Variants in EFCAB10 observed in about 807,000 individuals in gnomAD.
The protein encoded by EFCAB10 is EF-hand calcium-binding domain-containing protein 10.
In EFCAB10, 7 loss-of-function variants were observed where a neutral mutation model predicts 7.7. The ratio of observed to expected loss-of-function variants is 0.91; its 90% CI spans 0.52 to 1.72. The LOEUF is 1.72. Ranked by LOEUF, EFCAB10 falls within the 40% of genes most tolerant of loss-of-function variation. The pLI, the probability that EFCAB10 is intolerant of heterozygous loss-of-function variation, is 0.00. For synonymous variants in EFCAB10, 52 were observed against 21.0 expected (o/e 2.47, Z -4.03); for missense variants, 112 against 61.5 (o/e 1.82, Z -2.74).
At chr7:105,580,511 G>A (rs1033214186) in intron 1 of EFCAB10, among the ~76,000 whole-genome samples, 4 of 151,934 alleles carry the variant, frequency 2.6e-5, no homozygotes, top group African/African-American at 9.7e-5. Flanking sequence ...ATAGGATCTC[G>A]CTTTGTCGCC....
Position 105,565,209 on chromosome 7 carries a change from A to G in EFCAB10, c.*238T>C, listed in dbSNP as rs818624. Reference sequence around the variant, plus strand: ...TAGGACAGAACACTTCCTCAAATTTAAAATGATTTAAAAACTTGAAAAATA... The same window carrying G: ...TAGGACAGAACACTTCCTCAAATTTGAAATGATTTAAAAACTTGAAAAATA... On this transcript the variant is annotated 3_prime_UTR_variant, in exon 5 of 5. Coordinates refer to ENST00000480514, the MANE Select transcript of EFCAB10 (RefSeq NM_001355526.2). The G allele has an allele frequency of 5.8e-3, 8,228 of 1,426,358 alleles. 377 individuals carry two copies. In the African/African-American group the frequency reaches 0.1, roughly 18 times the overall value. 88.4% of individuals were successfully genotyped at this position (1,426,358 alleles called of 1,614,324 possible).
Position 105,565,638 on chromosome 7 carries a change from T to C in EFCAB10, c.*-191A>G, listed in dbSNP as rs144371182. 9.4e-5 allele frequency: 149 copies of C among 1,588,712 alleles called. No homozygotes were observed. In the African/African-American group the frequency reaches 1.9e-3, roughly 20 times the overall value. On this transcript the variant is annotated intron_variant, in intron 4 of 4. Transcript: ENST00000480514. ...TCACTATTGCAAGAGACCAGAAAATTATTTTAAACAGTAAGCTCAACATTT... is the reference window on the plus strand; with the variant it reads ...TCACTATTGCAAGAGACCAGAAAATCATTTTAAACAGTAAGCTCAACATTT...
chr7:105,567,143 G>T, intron 4 of EFCAB10: 2 of 1,579,212 alleles, frequency 1.3e-6, no homozygotes, highest in South Asian at 2.4e-5. Flanking sequence ...GTATTGTTTT[G>T]AATTTGAACG....
chr7:105,565,368 CTT>C lies in EFCAB10; in HGVS notation c.*77_*78del. The C allele has an allele frequency of 2.5e-6, 4 of 1,614,166 alleles. No homozygotes were observed. The highest frequency in any genetic ancestry group is 3.4e-6 in the Non-Finnish European group (4 of 1,180,016). On this transcript the variant is annotated 3_prime_UTR_variant, in exon 5 of 5. Transcript: ENST00000480514. ...GCTGCTGACGTTACGAGACCATTTA[CTT>C]CAGTTGGAGCAGCAGCTTTGTTTCT...
rs566461098 is a variant in EFCAB10, at chr7:105,575,995, C to A, written c.106+5363G>T. Among the ~76,000 whole-genome samples, 17 of 152,212 alleles carry A rather than the reference C, an allele frequency of 1.1e-4. No homozygotes were observed. In the South Asian group the frequency reaches 3.1e-3, roughly 28 times the overall value. On this transcript the variant is annotated intron_variant, in intron 1 of 4. Transcript: ENST00000480514. ...GAGGTTGCAGTGAGCTGAGATCGCG[C>A]CATTGCACTCCAGCCTGGGCAACAA...
At chr7:105,580,045 T>C (rs890591296) in intron 1 of EFCAB10, among the ~76,000 whole-genome samples, 41 of 152,200 alleles carry the variant, frequency 2.7e-4, no homozygotes, top group African/African-American at 9.6e-4. Flanking sequence ...CTGGCTTGAG[T>C]AGCAATCTCC....
intron 1 of EFCAB10, 61 bp from the exon 2 acceptor site, chr7:105,569,632 T>G (rs1267080703): frequency 3.0e-6 from 2 of 663,186 alleles, no homozygotes; most frequent in Non-Finnish European, 5.4e-6. Flanking sequence ...CAAATAGAAG[T>G]AGTCATTTAA....
intron 1 of EFCAB10, among the ~76,000 whole-genome samples, chr7:105,570,752 C>T (rs909962183): frequency 3.3e-5 from 5 of 152,020 alleles, no homozygotes; most frequent in Non-Finnish European, 7.4e-5. Flanking sequence ...CAGCTGGGCA[C>T]GGTGGCTCAC....
At chr7:105,574,114 C>A (rs1222479676) in intron 1 of EFCAB10, among the ~76,000 whole-genome samples, 1 of 99,888 alleles carries the variant, frequency 1.0e-5, no homozygotes, top group African/African-American at 3.9e-5. Flanking sequence ...TACACACACA[C>A]AATGTGTGTG....
At chr7:105,571,437 T>C (rs1266087794) in intron 1 of EFCAB10, 1 of 152,192 alleles carries the variant, frequency 6.6e-6, no homozygotes, top group African/African-American at 2.4e-5. Flanking sequence ...AGATGAAACG[T>C]AGTTCTACAG....
rs995583719 is a variant in EFCAB10 at position 105,569,549 on chromosome 7, T to A, written c.129A>T (p.Ile43=). ...CAATTCTCAGTCGTTCCAATAGAGA[T>A]ATTAAATATTCTTTTGGTTTTTCTG... ...FRPEKPKEYL[I]SLLERLRIAK... The change falls in exon 2 of 5, where the codon ATA becomes ATT. Residue 43 remains isoleucine, a synonymous_variant. Coordinates refer to ENST00000480514, the MANE Select transcript of EFCAB10 (RefSeq NM_001355526.2). The A allele has an allele frequency of 3.2e-5, 22 of 694,166 alleles. No homozygotes were observed. The highest frequency in any genetic ancestry group is 5.5e-5 in the Non-Finnish European group (21 of 383,010). The allele number at this position is 694,166 out of a possible 1,614,324, so 43.0% of individuals were successfully genotyped here.
intron 4 of EFCAB10, 135 bp downstream of exon 4, chr7:105,567,332 C>T (rs13533): frequency 6.5e-7 from 1 of 1,543,356 alleles, no homozygotes; most frequent in Non-Finnish European, 8.8e-7. Flanking sequence ...AAAAAGGTTT[C>T]TTTGGTTTTT....
chr7:105,571,538 G>A (rs941667923), intron 1 of EFCAB10: 3 of 152,214 alleles, frequency 2.0e-5, no homozygotes, highest in Non-Finnish European at 4.4e-5. Flanking sequence ...CAAGAGCAAA[G>A]GTCATGGCAA....
intron 4 of EFCAB10, among the ~76,000 whole-genome samples, chr7:105,565,910 G>C (rs1478586165): frequency 6.6e-6 from 1 of 151,360 alleles, no homozygotes. Flanking sequence ...GCTTCTAGTT[G>C]CTTAGTTACT....
chr7:105,569,407 C>T lies in EFCAB10; in HGVS notation c.271G>A (p.Ala91Thr). Reference sequence around the variant, plus strand: ...ACCTCAATTTGTAGAATGTACTGACCTTCTTTATACTGCACAAATGATATG... The same window carrying T: ...ACCTCAATTTGTAGAATGTACTGACTTTCTTTATACTGCACAAATGATATG... ...GTISFVQYKE[A>T]LKTLGLCTED... Residue 91 changes from alanine (A) to threonine (T), a missense_variant and splice_region_variant, in exon 2 of 5, where the codon GCC (alanine) becomes ACC (threonine). Ala to Thr is a moderately conservative substitution (Grantham distance 58). Coordinates refer to ENST00000480514, the MANE Select transcript of EFCAB10 (RefSeq NM_001355526.2). 1.4e-6 allele frequency: 1 copy of T among 698,844 alleles called. No individual in the cohort carries two copies. The highest frequency in any genetic ancestry group is 2.7e-5 in the East Asian group (1 of 37,256). 43.3% of individuals were successfully genotyped at this position (698,844 alleles called of 1,614,324 possible). A position where few individuals can be genotyped will look rare whatever the true frequency, so the allele number is the denominator to read the frequency against.
chr7:105,574,492 CTTTT>C lies in EFCAB10; in HGVS notation c.107-4925_107-4922del, dbSNP rs113880887. ...AGAGAGACCTTGTGCAGGGAAGCTCCTTTTTTTTTTGAGACGGAATCTCGCTCTG... is the reference window on the plus strand; with the variant it reads ...AGAGAGACCTTGTGCAGGGAAGCTCCTTTTTTGAGACGGAATCTCGCTCTG... On this transcript the variant is annotated intron_variant, in intron 1 of 4. Transcript: ENST00000480514. Among the ~76,000 whole-genome samples, 925 of 147,418 alleles carry C rather than the reference CTTTT, an allele frequency of 6.3e-3. 7 individuals carry two copies. Among genetic ancestry groups the C allele is most frequent in the African/African-American group, 0.022 (890 of 40,262 alleles).
intron 1 of EFCAB10, among the ~76,000 whole-genome samples, chr7:105,570,243 ATATATATAT>A: frequency 1.1e-4 from 6 of 54,422 alleles, no homozygotes; most frequent in African/African-American, 3.3e-4. Context: ...AAAAAAAAAT[ATATATATAT>A]ATATATATAT....
chr7:105,567,886 TG>T (rs1211507664), intron 3 of EFCAB10, among the ~76,000 whole-genome samples: 1 of 152,078 alleles, frequency 6.6e-6, no homozygotes, highest in Non-Finnish European at 1.5e-5. Context: ...TCTAGCTACT[TG>T]GGAGGCTGAG....
chr7:105,574,143 T>C (rs1394426678), intron 1 of EFCAB10, among the ~76,000 whole-genome samples: 2 of 122,502 alleles, frequency 1.6e-5, no homozygotes, highest in African/African-American at 2.9e-5. Flanking sequence ...TATATATATA[T>C]ATACACATAC....
Sources: allele counts gnomAD v4.1 joint callset (sites outside exome capture counted in the v4.1 genomes callset), GRCh38; gene constraint gnomAD v4.1.1; transcripts MANE v1.5; gene names NCBI Gene and HGNC (gene_info 2026-07-23, HGNC 2026-07-21).